USP7: variants seen among roughly 807,000 people sequenced by gnomAD.
USP7 encodes the protein ubiquitin C-terminal hydrolase 7.
Under a neutral mutation model 162.9 loss-of-function variants are expected in USP7, and 9 were observed. That is an observed-to-expected ratio of 0.06 (90% CI 0.03 to 0.10). The LOEUF (loss-of-function observed/expected upper bound fraction) is 0.10, where lower values mean the gene tolerates loss of function less well. USP7 is among the 10% of genes least tolerant of loss of function. USP7 has a pLI of 1.00. For missense variants in USP7, 715 were observed against 1,373.7 expected, an observed-to-expected ratio of 0.52 and a Z score of 7.58; for synonymous variants, 562 against 475.9, an observed-to-expected ratio of 1.18 and a Z score of -2.35.
chr16:8,923,324 C>T lies in USP7; in HGVS notation c.274G>A (p.Val92Met). The change falls in exon 3 of 31, where the codon GTG becomes ATG. Residue 92 changes from valine to methionine, a missense_variant. Coordinates refer to ENST00000344836, the MANE Select transcript of USP7 (RefSeq NM_003470.3). ...ATAATCTTCCATGGCAGATTTCGCA[C>T]AAAACACGGAGGGCTAAGGACCGAC... is the stretch of plus-strand genomic sequence containing the variant. The part of the protein sequence containing the change: ...SESVLSPPCF[V>M]RNLPWKIMVM... 1.2e-6 allele frequency: 2 copies of T among 1,604,678 alleles called. No homozygotes were observed. The highest frequency in any genetic ancestry group is 1.7e-6 in the Non-Finnish European group (2 of 1,176,650).
chr16:8,906,632 T>C, intron 12 of USP7, 50 bp from the exon 13 acceptor site: 2 of 1,555,866 alleles, frequency 1.3e-6, no homozygotes, highest in Non-Finnish European at 8.7e-7. Flanking sequence ...ACACAAAAAA[T>C]ATCACACTTT....
intron 2 of USP7, among the ~76,000 whole-genome samples, chr16:8,924,259 G>T (rs1441837049): frequency 6.6e-6 from 1 of 152,196 alleles, no homozygotes; most frequent in Non-Finnish European, 1.5e-5. Context: ...CGACTCCTGC[G>T]AAGGCACAGT....
Position 8,930,434 on chromosome 16 carries a change from T to C in USP7, c.80-37A>G, listed in dbSNP as rs774603600. On this transcript the variant is annotated intron_variant, in intron 1 of 30. Transcript: ENST00000344836. ...AAAAAGAAATTCCACGGGTTTTACA[T>C]TCATGGCTTTAATAGAATAAGCAAA... is the stretch of plus-strand genomic sequence containing the variant. 6.6e-6 allele frequency: 10 copies of C among 1,515,022 alleles called. No individual in the cohort carries two copies. The East Asian group carries it at 1.4e-4, about 21-fold the overall frequency. 93.8% of individuals were successfully genotyped at this position (1,515,022 alleles called of 1,614,324 possible). A position where few individuals can be genotyped will look rare whatever the true frequency, so the allele number is the denominator to read the frequency against.
intron 1 of USP7, among the ~76,000 whole-genome samples, chr16:8,955,136 T>C (rs1413599938): frequency 6.6e-6 from 1 of 152,250 alleles, no homozygotes; most frequent in Non-Finnish European, 1.5e-5. Flanking sequence ...CACGTATGCT[T>C]GTTCTAAGAA....
chr16:8,962,445 T>C (rs982775235), intron 1 of USP7: 13 of 445,170 alleles, frequency 2.9e-5, no homozygotes, highest in Non-Finnish European at 5.9e-5. Context: ...CCTTGGAAAA[T>C]TACTGCCACA....
In USP7 at chr16:8,920,342, A is replaced by T. The variant is rs767291036; in HGVS notation, c.611+17T>A. On this transcript the variant is annotated intron_variant, in intron 5 of 30. Transcript: ENST00000344836. ...CAAAAGACATTTTTAACAGCACCTGATTAAAGAAAAACTTACGCAACTCCA... is the reference window on the plus strand; with the variant it reads ...CAAAAGACATTTTTAACAGCACCTGTTTAAAGAAAAACTTACGCAACTCCA... 4 of 1,600,646 alleles carry T rather than the reference A, an allele frequency of 2.5e-6. No homozygotes were observed. In the South Asian group the frequency reaches 4.5e-5, roughly 18 times the overall value.
intron 6 of USP7, among the ~76,000 whole-genome samples, chr16:8,918,343 A>G (rs918056154): frequency 6.6e-6 from 1 of 152,228 alleles, no homozygotes; most frequent in East Asian, 1.9e-4. Context: ...TAACTCATCT[A>G]TATTAGATTT....
intron 2 of USP7, chr16:8,929,275 C>T: frequency 3.0e-6 from 1 of 337,686 alleles, no homozygotes; most frequent in South Asian, 2.2e-5. Flanking sequence ...AGCCCAACAA[C>T]CAGCGAGACC....
intron 2 of USP7, among the ~76,000 whole-genome samples, chr16:8,928,131 C>T (rs1898114954): frequency 6.6e-6 from 1 of 152,194 alleles, no homozygotes. Flanking sequence ...AATAAGTTCT[C>T]TCCCTCAACT....
intron 12 of USP7, among the ~76,000 whole-genome samples, chr16:8,907,786 C>T (rs1391350870): frequency 6.6e-6 from 1 of 152,168 alleles, no homozygotes; most frequent in African/African-American, 2.4e-5. Context: ...TGCACTCCAG[C>T]CTGGGCGACA....
In USP7 at chr16:8,901,302, AC is replaced by A. The variant is rs919416649; in HGVS notation, c.2048-69del. 5.5e-6 allele frequency: 6 copies of A among 1,081,266 alleles called. No homozygotes were observed. The East Asian group carries it at 9.9e-5, about 18-fold the overall frequency. The allele number at this position is 1,081,266 out of a possible 1,614,324, so 67.0% of individuals were successfully genotyped here. On this transcript the variant is annotated intron_variant, in intron 18 of 30. Coordinates refer to ENST00000344836, the MANE Select transcript of USP7 (RefSeq NM_003470.3). The stretch of plus-strand genomic sequence containing the variant: ...AGCACAATGCTTAAAAAACAAAAAA[AC>A]AAACAAACAAAAAAACGAAAAAAAA...
chr16:8,936,483 T>A, intron 1 of USP7: 3 of 1,273,194 alleles, frequency 2.4e-6, no homozygotes, highest in Non-Finnish European at 3.1e-6. Context: ...TCTAGATGTA[T>A]AGCCCCAAAT....
chr16:8,956,719 T>C (rs1899819719), intron 1 of USP7, among the ~76,000 whole-genome samples: 1 of 150,608 alleles, frequency 6.6e-6, no homozygotes, highest in Non-Finnish European at 1.5e-5. Flanking sequence ...GCCGAGATCG[T>C]CCCACTGCAC....
chr16:8,908,089 C>T (rs1372101913), intron 12 of USP7, among the ~76,000 whole-genome samples: 1 of 152,176 alleles, frequency 6.6e-6, no homozygotes, highest in Non-Finnish European at 1.5e-5. Flanking sequence ...TTAAATCAGC[C>T]ATAGCTGAGA....
At chr16:8,948,941 G>C (rs1385024323) in intron 1 of USP7, among the ~76,000 whole-genome samples, 1 of 152,040 alleles carries the variant, frequency 6.6e-6, no homozygotes, top group East Asian at 1.9e-4. Flanking sequence ...TCCAGCCTGG[G>C]TGACAAGATC....
At chr16:8,901,605 C>T (rs2061775534) in intron 18 of USP7, among the ~76,000 whole-genome samples, 1 of 152,146 alleles carries the variant, frequency 6.6e-6, no homozygotes, top group Non-Finnish European at 1.5e-5. Context: ...TGACCACTCA[C>T]AGCAATAAAA....
chr16:8,927,080 C>T lies in USP7; in HGVS notation c.184+3213G>A, dbSNP rs571870878. On this transcript the variant is annotated intron_variant, in intron 2 of 30. Transcript: ENST00000344836. ...CTGTAATCCCAGCACTCTGGGAGGC[C>T]GGGGTGGGCGAGGCGAATCATGAGG... Among the ~76,000 whole-genome samples the T allele has an allele frequency of 7.2e-4, 109 of 152,152 alleles. 3 individuals are homozygous for T. In the South Asian group the frequency reaches 0.021, roughly 29 times the overall value.
At chr16:8,894,747 T>C (rs773791739) in intron 29 of USP7, 37 bp downstream of exon 29, 10 of 1,614,148 alleles carry the variant, frequency 6.2e-6, no homozygotes, top group Middle Eastern at 1.6e-4. Context: ...CTTGAGCCTA[T>C]GGCCCGCCAA....
intron 6 of USP7, among the ~76,000 whole-genome samples, chr16:8,918,680 G>A (rs1294582061): frequency 1.3e-5 from 2 of 152,116 alleles, no homozygotes; most frequent in African/African-American, 4.8e-5. Flanking sequence ...GTGGTGGCGG[G>A]TGCCTGTAAT....
Sources: allele counts gnomAD v4.1 joint callset (sites outside exome capture counted in the v4.1 genomes callset), GRCh38; gene constraint gnomAD v4.1.1; transcripts MANE v1.5; gene names NCBI Gene and HGNC (gene_info 2026-07-23, HGNC 2026-07-21).